Variants in PTPRM observed in about 807,000 individuals in gnomAD.
The protein encoded by PTPRM is protein tyrosine phosphatase receptor type M.
Under a neutral mutation model 186.7 loss-of-function variants are expected in PTPRM, and 47 were observed. That is an observed-to-expected ratio of 0.25 (90% CI 0.20 to 0.32). The LOEUF is 0.32. PTPRM is among the 10% of genes least tolerant of loss of function. The pLI is 1.00. For synonymous variants in PTPRM, 668 were observed against 674.9 expected, an observed-to-expected ratio of 0.99 and a Z score of 0.16; for missense variants, 1,494 against 1,865.0, an observed-to-expected ratio of 0.80 and a Z score of 3.66.
intron 1 of PTPRM, among the ~76,000 whole-genome samples, chr18:7,658,762 T>A (rs2038913417): frequency 1.3e-5 from 2 of 152,128 alleles, no homozygotes; most frequent in Admixed American, 1.3e-4. Flanking sequence ...TCACATGAAG[T>A]TTTCCTAGTA....
chr18:8,050,042 G>A (rs2087366276), intron 7 of PTPRM, among the ~76,000 whole-genome samples: 1 of 152,110 alleles, frequency 6.6e-6, no homozygotes, highest in Non-Finnish European at 1.5e-5. Context: ...AACTAAGAAG[G>A]AATAGTCATA....
intron 2 of PTPRM, among the ~76,000 whole-genome samples, chr18:7,833,022 C>T (rs1381117004): frequency 6.6e-6 from 1 of 152,070 alleles, no homozygotes; most frequent in Non-Finnish European, 1.5e-5. Context: ...GTTACTATAG[C>T]TCTGTAGTAT....
chr18:7,581,714 G>A (rs1028532097), intron 1 of PTPRM, among the ~76,000 whole-genome samples: 3 of 149,680 alleles, frequency 2.0e-5, no homozygotes, highest in African/African-American at 7.4e-5. Flanking sequence ...GGAGTGCAGT[G>A]GTACGATTAT....
At chr18:8,249,014 G>A (rs538642951) in intron 17 of PTPRM, among the ~76,000 whole-genome samples, 7 of 152,274 alleles carry the variant, frequency 4.6e-5, no homozygotes, top group East Asian at 1.9e-4. Context: ...CATTTGAGAC[G>A]CATAAATAAC....
At chr18:8,042,981 C>G (rs2086789106) in intron 7 of PTPRM, among the ~76,000 whole-genome samples, 1 of 152,142 alleles carries the variant, frequency 6.6e-6, no homozygotes, top group Non-Finnish European at 1.5e-5. Context: ...CCGCCTACAG[C>G]TGCTTATTGT....
intron 2 of PTPRM, among the ~76,000 whole-genome samples, chr18:7,813,634 T>C (rs1156270840): frequency 1.3e-5 from 2 of 152,214 alleles, no homozygotes; most frequent in East Asian, 3.9e-4. Context: ...TCTTATCTCT[T>C]TAGTTTTGTC....
chr18:7,740,253 G>T (rs2040860412), intron 1 of PTPRM, among the ~76,000 whole-genome samples: 1 of 152,110 alleles, frequency 6.6e-6, no homozygotes. Flanking sequence ...TATTGCAGAA[G>T]AATCAGTATA....
intron 1 of PTPRM, among the ~76,000 whole-genome samples, chr18:7,744,620 TAATA>T (rs2040947932): frequency 1.3e-5 from 2 of 152,248 alleles, no homozygotes; most frequent in African/African-American, 4.8e-5. Flanking sequence ...ACATGGTAGG[TAATA>T]AATACATATG....
chr18:7,719,709 G>C (rs2040411149), intron 1 of PTPRM, among the ~76,000 whole-genome samples: 1 of 152,154 alleles, frequency 6.6e-6, no homozygotes, highest in Non-Finnish European at 1.5e-5. Flanking sequence ...GGATCCCACT[G>C]TGTTCATTGC....
At chr18:8,158,826 T>A (rs1372003967) in intron 14 of PTPRM, among the ~76,000 whole-genome samples, 1 of 152,124 alleles carries the variant, frequency 6.6e-6, no homozygotes, top group Admixed American at 6.5e-5. Context: ...GGAGGGTGTC[T>A]CAGACTTTGA....
intron 2 of PTPRM, among the ~76,000 whole-genome samples, chr18:7,824,967 C>T (rs1567875124): frequency 6.6e-6 from 1 of 152,176 alleles, no homozygotes; most frequent in Admixed American, 6.5e-5. Context: ...CATGGATTTA[C>T]ACCAAATGCT....
intron 32 of PTPRM, among the ~76,000 whole-genome samples, chr18:8,394,918 C>T (rs1470072404): frequency 6.6e-6 from 1 of 152,120 alleles, no homozygotes; most frequent in African/African-American, 2.4e-5. Context: ...ACTTAGTCTT[C>T]ACAGAGAAGA....
intron 13 of PTPRM, among the ~76,000 whole-genome samples, 180 bp from the exon 14 acceptor site, chr18:8,143,467 A>G (rs1441807663): frequency 6.6e-6 from 1 of 152,254 alleles, no homozygotes; most frequent in Non-Finnish European, 1.5e-5. Flanking sequence ...TTGAAGAACA[A>G]TGTGAACAAT....
chr18:8,303,272 C>A (rs938530376), intron 20 of PTPRM, among the ~76,000 whole-genome samples: 2 of 152,030 alleles, frequency 1.3e-5, no homozygotes, highest in African/African-American at 4.8e-5. Flanking sequence ...GACACGAGGT[C>A]CCTTCTGAGG....
intron 2 of PTPRM, among the ~76,000 whole-genome samples, chr18:7,817,677 C>T (rs2044917302): frequency 6.6e-6 from 1 of 152,132 alleles, no homozygotes; most frequent in Non-Finnish European, 1.5e-5. Context: ...TGAACTTTGG[C>T]TGTTCTGTTT....
intron 14 of PTPRM, among the ~76,000 whole-genome samples, chr18:8,205,700 A>T (rs2093918524): frequency 6.6e-6 from 1 of 152,164 alleles, no homozygotes; most frequent in East Asian, 1.9e-4. Context: ...TAGCTCTCAT[A>T]CATAATTACT....
At position 8,394,602 on chromosome 18, in the gene PTPRM, C is replaced by T. The variant is rs1486754304; in HGVS notation, c.4335C>T (p.Val1445=). The change falls in exon 32 of 33, where the codon GTC becomes GTT. Residue 1445 remains valine (V), a synonymous_variant. Coordinates refer to ENST00000580170, the MANE Select transcript of PTPRM (RefSeq NM_001105244.2). The part of the protein sequence containing the change: ...KTLRNNKPNM[V]DLLDQYKFCY... ...TGAGGAACAACAAGCCCAACATGGTCGACCTCCTGGTAGGACACCCCCTCT... is the reference window on the plus strand; with the variant it reads ...TGAGGAACAACAAGCCCAACATGGTTGACCTCCTGGTAGGACACCCCCTCT... 5 of 1,609,886 alleles carry T rather than the reference C, an allele frequency of 3.1e-6. No individual in the cohort carries two copies. Among genetic ancestry groups the T allele is most frequent in the East Asian group, 2.2e-5 (1 of 44,588 alleles).
chr18:8,300,640 C>G (rs1356024231), intron 20 of PTPRM, among the ~76,000 whole-genome samples: 1 of 152,118 alleles, frequency 6.6e-6, no homozygotes, highest in African/African-American at 2.4e-5. Flanking sequence ...GGGACTCTGG[C>G]TTCTGTTTCT....
intron 14 of PTPRM, among the ~76,000 whole-genome samples, chr18:8,185,751 T>G (rs1216795822): frequency 6.6e-6 from 1 of 152,198 alleles, no homozygotes; most frequent in African/African-American, 2.4e-5. Context: ...GAATAGAGTG[T>G]GAAAATCATG....
Sources: allele counts gnomAD v4.1 joint callset (sites outside exome capture counted in the v4.1 genomes callset), GRCh38; gene constraint gnomAD v4.1.1; transcripts MANE v1.5; gene names NCBI Gene and HGNC (gene_info 2026-07-23, HGNC 2026-07-21).